Variants in PPFIA1 observed in about 807,000 individuals in gnomAD.
PPFIA1 encodes the protein liprin-alpha-1.
In PPFIA1, 25 loss-of-function variants were observed where a neutral mutation model predicts 149.9. That is an observed-to-expected ratio of 0.17 (90% CI 0.12 to 0.23). The LOEUF is 0.23. PPFIA1 is among the 10% of genes least tolerant of loss of function. PPFIA1 has a pLI of 1.00. For synonymous variants in PPFIA1, 549 were observed against 552.8 expected, an observed-to-expected ratio of 0.99 and a Z score of 0.10; for missense variants, 1,362 against 1,506.5, an observed-to-expected ratio of 0.90 and a Z score of 1.59.
chr11:70,295,505 G>C (rs2051886460), intron 2 of PPFIA1, among the ~76,000 whole-genome samples: 1 of 139,170 alleles, frequency 7.2e-6, no homozygotes, highest in Non-Finnish European at 1.6e-5. Flanking sequence ...GCCGGGTGGG[G>C]GGGCTGACCC....
intron 8 of PPFIA1, 32 bp from the exon 9 acceptor site, chr11:70,331,928 T>G: frequency 1.3e-6 from 2 of 1,587,932 alleles, no homozygotes; most frequent in Non-Finnish European, 1.7e-6. Flanking sequence ...AGAAGATTTG[T>G]TGCATTTTGA....
At chr11:70,335,482 CA>C in intron 10 of PPFIA1, 80 bp from the exon 11 acceptor site, 1 of 1,527,896 alleles carries the variant, frequency 6.5e-7, no homozygotes, top group Non-Finnish European at 8.9e-7. Context: ...ACATGGGGCT[CA>C]CCCTGTTGGT....
rs577311286 is a variant in PPFIA1, at chr11:70,295,589, C to T, written c.264+23153C>T. Among the ~76,000 whole-genome samples the T allele has an allele frequency of 6.9e-4, 90 of 130,206 alleles. 2 individuals are homozygous for T. Among genetic ancestry groups the T allele is most frequent in the African/African-American group, 2.4e-3 (79 of 32,832 alleles). The allele number at this position is 130,206 out of a possible 152,430, so 85.4% of individuals were successfully genotyped here. A position where few individuals can be genotyped will look rare whatever the true frequency, so the allele number is the denominator to read the frequency against. ...CCCCCCACCTCCCTCCCGGATGGAG[C>T]GGCTGGCTGGGCAGAGGGGCTCCTC... On this transcript the variant is annotated intron_variant, in intron 2 of 27. Transcript: ENST00000253925.
At chr11:70,280,697 A>G (rs1254298472) in intron 2 of PPFIA1, among the ~76,000 whole-genome samples, 1 of 152,214 alleles carries the variant, frequency 6.6e-6, no homozygotes, top group Admixed American at 6.5e-5. Flanking sequence ...CCTTCTGAGT[A>G]GCTGGGACTA....
At chr11:70,377,243 G>A (rs1285574438) in intron 25 of PPFIA1, among the ~76,000 whole-genome samples, 1 of 152,122 alleles carries the variant, frequency 6.6e-6, no homozygotes, top group African/African-American at 2.4e-5. Flanking sequence ...GGGTTTTGGG[G>A]ACCAGTAGTT....
At chr11:70,331,359 CTG>C (rs1286656583) in intron 8 of PPFIA1, among the ~76,000 whole-genome samples, 10 of 150,060 alleles carry the variant, frequency 6.7e-5, no homozygotes, top group African/African-American at 2.5e-5. Flanking sequence ...GAGCAAGACT[CTG>C]TCTTTAAACA....
intron 1 of PPFIA1, among the ~76,000 whole-genome samples, chr11:70,271,650 G>A (rs1397346815): frequency 6.6e-6 from 1 of 152,068 alleles, no homozygotes; most frequent in Non-Finnish European, 1.5e-5. Flanking sequence ...AAGAATTCAG[G>A]GAGCCGTCAG....
At chr11:70,360,602 T>G (rs535035642) in intron 19 of PPFIA1, among the ~76,000 whole-genome samples, 1 of 152,358 alleles carries the variant, frequency 6.6e-6, no homozygotes, top group East Asian at 1.9e-4. Flanking sequence ...TGTCTTTGAG[T>G]GGCATTTGTC....
At chr11:70,327,541 G>GAA (rs2054380820) in intron 7 of PPFIA1, 1 of 152,370 alleles carries the variant, frequency 6.6e-6, no homozygotes, top group Admixed American at 6.5e-5. Context: ...GGAGGCTTAG[G>GAA]CGGGCGGATC....
At chr11:70,280,452 C>A (rs2050687923) in intron 2 of PPFIA1, among the ~76,000 whole-genome samples, 1 of 152,000 alleles carries the variant, frequency 6.6e-6, no homozygotes. Context: ...GCCTGTAATC[C>A]CAGCTACTTG....
At chr11:70,319,425 CCTTA>C (rs1198926311) in intron 2 of PPFIA1, among the ~76,000 whole-genome samples, 7 of 152,232 alleles carry the variant, frequency 4.6e-5, no homozygotes, top group African/African-American at 1.7e-4. Context: ...TCATGAGAAT[CCTTA>C]CTTAGGCTCT....
At chr11:70,325,098 A>C in intron 4 of PPFIA1, 87 bp downstream of exon 4, 1 of 1,301,726 alleles carries the variant, frequency 7.7e-7, no homozygotes, top group Non-Finnish European at 1.0e-6. Context: ...TTGTTTTTTG[A>C]AGCTTCTTGA....
At chr11:70,342,807 T>C (rs1172585355) in intron 14 of PPFIA1, among the ~76,000 whole-genome samples, 1 of 152,184 alleles carries the variant, frequency 6.6e-6, no homozygotes, top group Non-Finnish European at 1.5e-5. Context: ...TGGGGATATA[T>C]GTGATAATTT....
chr11:70,315,321 T>C (rs2053541012), intron 2 of PPFIA1, among the ~76,000 whole-genome samples: 1 of 152,174 alleles, frequency 6.6e-6, no homozygotes, highest in Non-Finnish European at 1.5e-5. Flanking sequence ...GTGAAGTTTG[T>C]GGTCTTCTTT....
At chr11:70,277,481 GT>G (rs557970129) in intron 2 of PPFIA1, among the ~76,000 whole-genome samples, 85 of 142,996 alleles carry the variant, frequency 5.9e-4, no homozygotes, top group South Asian at 3.8e-3. Flanking sequence ...TATATTTCTT[GT>G]TTTTTTTTTT....
At chr11:70,372,080 A>G in intron 21 of PPFIA1, 135 bp from the exon 22 acceptor site, 3 of 732,440 alleles carry the variant, frequency 4.1e-6, no homozygotes, top group Non-Finnish European at 6.1e-6. Context: ...AGATCAAATT[A>G]TTTTGCAATT....
Position 70,309,083 on chromosome 11 carries a change from G to GT in PPFIA1, c.265-15310dup, listed in dbSNP as rs199532448. Among the ~76,000 whole-genome samples, 1,235 of 150,368 alleles carry GT rather than the reference G, an allele frequency of 8.2e-3. 23 individuals carry two copies. Among genetic ancestry groups the GT allele is most frequent in the African/African-American group, 0.026 (1,053 of 40,962 alleles). On this transcript the variant is annotated intron_variant, in intron 2 of 27. Coordinates refer to ENST00000253925, the MANE Select transcript of PPFIA1 (RefSeq NM_003626.5). ...GTTAATTAGAATGTATTTTCTTTGG[G>GT]TTTTTTTTTACTAATATATACTTGA...
chr11:70,375,666 C>T (rs915881284), intron 24 of PPFIA1: 5 of 152,230 alleles, frequency 3.3e-5, no homozygotes, highest in African/African-American at 1.2e-4. Context: ...TGGCACATGC[C>T]TGTAGTCCCA....
intron 5 of PPFIA1, 39 bp downstream of exon 5, chr11:70,325,613 G>A (rs766928619): frequency 1.1e-5 from 16 of 1,427,398 alleles, no homozygotes; most frequent in African/African-American, 1.4e-5. Context: ...ATTGGGGGGG[G>A]GTTATTTTTA....
Sources: gnomAD v4.1 joint callset for allele counts (sites outside exome capture counted in the v4.1 genomes callset) on GRCh38, gnomAD v4.1.1 for gene constraint, MANE v1.5 for transcripts, NCBI Gene and HGNC (gene_info 2026-07-23, HGNC 2026-07-21) for gene names.